Variants in TALDO1 observed in about 807,000 individuals in gnomAD.
TALDO1 encodes transaldolase.
Under a neutral mutation model 38.1 loss-of-function variants are expected in TALDO1, and 29 were observed. That is an observed-to-expected ratio of 0.76 (90% CI 0.57 to 1.04). The LOEUF (loss-of-function observed/expected upper bound fraction) is 1.04. Ranked by LOEUF, TALDO1 falls within the 50% of genes least tolerant of loss-of-function variation. The pLI is 0.00. For missense variants in TALDO1, 499 were observed against 438.1 expected (o/e 1.14, Z -1.24); for synonymous variants, 207 against 176.8 (o/e 1.17, Z -1.36).
At chr11:748,311 G>A (rs1465838219) in intron 1 of TALDO1, among the ~76,000 whole-genome samples, 1 of 152,206 alleles carries the variant, frequency 6.6e-6, no homozygotes, top group Non-Finnish European at 1.5e-5. Context: ...AGACGCACCG[G>A]GTGGGTAAAA....
chr11:763,305 CCCT>C, intron 4 of TALDO1, 36 bp from the exon 5 acceptor site: 2 of 671,574 alleles, frequency 3.0e-6, no homozygotes, highest in East Asian at 5.8e-5. Flanking sequence ...CCTGTCCCCG[CCCT>C]CACCTGCCCC....
intron 1 of TALDO1, among the ~76,000 whole-genome samples, chr11:750,619 TCCAGA>T (rs1862733980): frequency 6.6e-6 from 1 of 152,016 alleles, no homozygotes; most frequent in South Asian, 2.1e-4. Flanking sequence ...GGTCAGGAGA[TCCAGA>T]CCATCCTGGC....
Position 747,493 on chromosome 11 carries a change from A to G in TALDO1, c.12A>G (p.Ser4=). MSS[S]PVKRQRMESA... ...CCCTCGGTCTTGCTATGTCGAGCTC[A>G]CCCGTGAAGCGTCAGAGGATGGAGT... Residue 4 remains serine (S), a synonymous_variant, in exon 1 of 8, where the codon TCA becomes TCG. Transcript: ENST00000319006. 1 of 1,598,248 alleles carries G rather than the reference A, an allele frequency of 6.3e-7. No homozygotes were observed. The highest frequency in any genetic ancestry group is 8.5e-7 in the Non-Finnish European group (1 of 1,174,100).
Position 764,397 on chromosome 11 carries a change from T to C in TALDO1, c.945T>C (p.Phe315=), listed in dbSNP as rs150892505. The C allele has an allele frequency of 7.4e-6, 12 of 1,612,520 alleles. No homozygotes were observed. The highest frequency in any genetic ancestry group is 1.6e-4 in the Middle Eastern group (1 of 6,080). The change falls in exon 7 of 8, where the codon TTT becomes TTC. Residue 315 remains phenylalanine (F), a synonymous_variant. Transcript: ENST00000319006. Reference sequence around the variant, plus strand: ...AGCTCTCTGACGGGATCCGCAAGTTTGCCGCTGATGCAGTGAAGCTGGAGC... The same window carrying C: ...AGCTCTCTGACGGGATCCGCAAGTTCGCCGCTGATGCAGTGAAGCTGGAGC... ...VEKLSDGIRK[F]AADAVKLERM...
intron 1 of TALDO1, among the ~76,000 whole-genome samples, chr11:750,904 T>C (rs1303964101): frequency 1.3e-5 from 2 of 152,184 alleles, no homozygotes; most frequent in African/African-American, 4.8e-5. Flanking sequence ...CCATAACTCT[T>C]CACCTCCACT....
chr11:759,603 C>G (rs1862898049), intron 3 of TALDO1, among the ~76,000 whole-genome samples: 1 of 151,640 alleles, frequency 6.6e-6, no homozygotes, highest in South Asian at 2.1e-4. Context: ...TTTTTTGAGA[C>G]AGAGTCTCGC....
At position 763,382 on chromosome 11, in the gene TALDO1, C is replaced by A. The variant is rs765022845; in HGVS notation, c.500C>A (p.Thr167Lys). The A allele has an allele frequency of 6.2e-7, 1 of 1,609,042 alleles. No homozygotes were observed. The highest frequency in any genetic ancestry group is 2.2e-5 in the East Asian group (1 of 44,584). ...CAGCACGGCATCCACTGCAACATGA[C>A]GTTACTCTTCTCCTTCGCCCAGGCT... ...EEQHGIHCNM[T>K]LLFSFAQAVA... Residue 167 changes from threonine to lysine, a missense_variant, in exon 5 of 8, where the codon ACG (threonine) becomes AAG (lysine). Physicochemically the swap from Thr to Lys is moderately conservative, Grantham distance 78 (BLOSUM62 -1). Coordinates refer to ENST00000319006, the MANE Select transcript of TALDO1 (RefSeq NM_006755.2).
chr11:762,414 GCTGCTGCTCTGAACACAT>G (rs1275293391), intron 4 of TALDO1, among the ~76,000 whole-genome samples: 221 of 152,264 alleles, frequency 1.5e-3, no homozygotes, highest in African/African-American at 5.0e-3. Flanking sequence ...TGTGATGTAT[GCTGCTGCTCTGAACACAT>G]CTGCTGCTAT....
intron 6 of TALDO1, 161 bp downstream of exon 6, chr11:764,105 T>C: frequency 1.5e-6 from 2 of 1,351,682 alleles, no homozygotes; most frequent in Non-Finnish European, 2.1e-6. Context: ...TCCTAACACA[T>C]CTCACTCAAG....
chr11:761,131 C>T (rs1188681859), intron 4 of TALDO1, among the ~76,000 whole-genome samples: 2 of 151,916 alleles, frequency 1.3e-5, no homozygotes, highest in Non-Finnish European at 2.9e-5. Context: ...GTCAGGAGTT[C>T]GAGACCAGGC....
intron 1 of TALDO1, among the ~76,000 whole-genome samples, chr11:751,039 A>G (rs150665248): frequency 2.9e-4 from 44 of 152,198 alleles, no homozygotes; most frequent in African/African-American, 1.0e-3. Flanking sequence ...AAGAATAAAG[A>G]ATCCTTGGGT....
intron 4 of TALDO1, chr11:761,090 C>G (rs1027952795): frequency 2.0e-5 from 3 of 152,024 alleles, no homozygotes; most frequent in Non-Finnish European, 4.4e-5. Context: ...TCCTAGCACT[C>G]TGGAAGCCTG....
chr11:753,488 G>A (rs1026650621), intron 1 of TALDO1, among the ~76,000 whole-genome samples: 4 of 151,920 alleles, frequency 2.6e-5, no homozygotes, highest in East Asian at 1.9e-4. Context: ...CCGAGATGGC[G>A]CCACTGCAGT....
chr11:763,228 C>CTGT, intron 4 of TALDO1, 116 bp from the exon 5 acceptor site: 2 of 138,336 alleles, frequency 1.4e-5, no homozygotes, highest in Non-Finnish European at 3.1e-5. Flanking sequence ...TGCCCCCGCC[C>CTGT]TCACCCGCCC....
chr11:756,857 C>T (rs757591027), intron 2 of TALDO1, among the ~76,000 whole-genome samples: 50 of 152,174 alleles, frequency 3.3e-4, no homozygotes, highest in Non-Finnish European at 5.3e-4. Context: ...CCAGAATGTT[C>T]TCTGGTACCT....
Position 763,883 on chromosome 11 carries a change from G to A in TALDO1, c.774G>A (p.Lys258=), listed in dbSNP as rs550886986. ...GTGACTTCCTCACCATCTCACCCAA[G>A]CTCCTGGGAGAGCTGCTGCAGGACA... ...AGCDFLTISP[K]LLGELLQDNA... Residue 258 remains lysine (K), a synonymous_variant, in exon 6 of 8, where the codon AAG becomes AAA. Transcript: ENST00000319006. 1 of 1,613,444 alleles carries A rather than the reference G, an allele frequency of 6.2e-7. No individual in the cohort carries two copies. Among genetic ancestry groups the A allele is most frequent in the Non-Finnish European group, 8.5e-7 (1 of 1,180,016 alleles).
intron 1 of TALDO1, among the ~76,000 whole-genome samples, chr11:749,923 T>C (rs369782388): frequency 1.3e-5 from 2 of 152,198 alleles, no homozygotes; most frequent in Non-Finnish European, 2.9e-5. Context: ...TGCACAGAAG[T>C]TGCAAAATCA....
chr11:747,706 G>A (rs1862685399), intron 1 of TALDO1, 128 bp downstream of exon 1: 2 of 805,410 alleles, frequency 2.5e-6, no homozygotes, highest in Non-Finnish European at 1.9e-6. Context: ...CGTTCCGGGA[G>A]GAATGAGCGC....
At chr11:762,607 C>G (rs963491297) in intron 4 of TALDO1, among the ~76,000 whole-genome samples, 6 of 152,206 alleles carry the variant, frequency 3.9e-5, no homozygotes, top group African/African-American at 2.4e-5. Flanking sequence ...CCTCGAACAC[C>G]CCCGTGTGGC....
Sources: gnomAD v4.1 joint callset for allele counts (sites outside exome capture counted in the v4.1 genomes callset) on GRCh38, gnomAD v4.1.1 for gene constraint, MANE v1.5 for transcripts, NCBI Gene and HGNC (gene_info 2026-07-23, HGNC 2026-07-21) for gene names.